DNAH14: variants seen among roughly 807,000 people sequenced by gnomAD.
DNAH14 encodes the protein dynein axonemal heavy chain 14, also known as axonemal beta dynein heavy chain 14.
Under a neutral mutation model 520.9 loss-of-function variants are expected in DNAH14, and 478 were observed. That is an observed-to-expected ratio of 0.92 (90% CI 0.85 to 0.99). DNAH14 has a LOEUF of 0.99. Among genes scored for constraint, DNAH14 ranks in the 50% least tolerant of loss-of-function variants. DNAH14 has a pLI of 0.00. For synonymous variants in DNAH14, 1,581 were observed against 1,757.2 expected (o/e 0.90, Z 2.51); for missense variants, 4,831 against 5,234.5 (o/e 0.92, Z 2.38).
intron 1 of DNAH14, among the ~76,000 whole-genome samples, chr1:224,951,769 G>A (rs1046842903): frequency 6.8e-6 from 1 of 146,510 alleles, no homozygotes; most frequent in Non-Finnish European, 1.5e-5. Flanking sequence ...TCCTGCCTCC[G>A]CCTCCCGAGT....
At chr1:224,989,082 A>C (rs969648316) in intron 8 of DNAH14, among the ~76,000 whole-genome samples, 2 of 152,202 alleles carry the variant, frequency 1.3e-5, no homozygotes, top group Non-Finnish European at 2.9e-5. Context: ...ATGGTAATTA[A>C]ATTACAACAT....
At position 225,301,034 on chromosome 1, in the gene DNAH14, C is replaced by CT. The variant is rs1261143322; in HGVS notation, c.8631+10dup. ...TTTACTTTCATTCTTTCAAAAGGTA[C>CT]TTTTTTGTGACTTGGCTTTATCAAA... On this transcript the variant is annotated splice_donor_region_variant and intron_variant, in intron 56 of 85. Transcript: ENST00000682510. 1.3e-6 allele frequency: 2 copies of CT among 1,545,956 alleles called. No individual in the cohort carries two copies. Among genetic ancestry groups the CT allele is most frequent in the Non-Finnish European group, 1.7e-6 (2 of 1,144,998 alleles).
At chr1:225,155,010 A>G (rs966888039) in intron 34 of DNAH14, among the ~76,000 whole-genome samples, 1 of 152,126 alleles carries the variant, frequency 6.6e-6, no homozygotes, top group Non-Finnish European at 1.5e-5. Context: ...GAAATATGAA[A>G]GTGCCTTAAA....
At chr1:225,356,281 C>A (rs1274664095) in intron 73 of DNAH14, among the ~76,000 whole-genome samples, 1 of 152,142 alleles carries the variant, frequency 6.6e-6, no homozygotes, top group Non-Finnish European at 1.5e-5. Context: ...ACACTGAGCC[C>A]ACATTCCTCA....
At chr1:225,053,310 C>T (rs115310037) in intron 17 of DNAH14, among the ~76,000 whole-genome samples, 1 of 152,108 alleles carries the variant, frequency 6.6e-6, no homozygotes, top group Non-Finnish European at 1.5e-5. Flanking sequence ...CTGAAGAAGA[C>T]CTGAATGAAT....
intron 23 of DNAH14, among the ~76,000 whole-genome samples, chr1:225,107,192 G>A (rs2076132884): frequency 1.3e-5 from 2 of 152,200 alleles, no homozygotes; most frequent in African/African-American, 4.8e-5. Context: ...CAGAACAGCA[G>A]ATATTGGTGA....
intron 1 of DNAH14, among the ~76,000 whole-genome samples, chr1:224,935,851 C>A (rs1228572413): frequency 1.3e-5 from 2 of 151,694 alleles, no homozygotes; most frequent in Non-Finnish European, 3.0e-5. Flanking sequence ...AAATCAAAAT[C>A]AAGTATCTTT....
rs1024125381 is a variant in DNAH14 at position 225,346,540 on chromosome 1, G to T, written c.11182G>T (p.Gly3728Ter). Residue 3728 changes from glycine to a stop codon, truncating the protein, a stop_gained, in exon 71 of 86, where the codon GGA becomes TGA. Coordinates refer to ENST00000682510, the MANE Select transcript of DNAH14 (RefSeq NM_001367479.1). LOFTEE classifies it high-confidence loss of function. Reference protein sequence around the residue: ...CTVIMQNNANGNLIQDDIGFL... With the variant: ...CTVIMQNNAN ...TGTAATCATGCAAAACAATGCTAAT[G>T]GAAATCTAATACAGGATGACATTGG... The T allele has an allele frequency of 5.2e-6, 8 of 1,551,106 alleles. No homozygotes were observed. The Admixed American group carries it at 1.4e-4, about 27-fold the overall frequency.
chr1:224,952,196 C>A (rs1426068855), intron 1 of DNAH14, among the ~76,000 whole-genome samples: 8 of 152,134 alleles, frequency 5.3e-5, no homozygotes, highest in Admixed American at 5.2e-4. Context: ...ATTTCATAAC[C>A]CACTCCCTTT....
At chr1:224,974,045 T>TA (rs745460033) in intron 7 of DNAH14, 46 bp from the exon 8 acceptor site, 10 of 1,270,646 alleles carry the variant, frequency 7.9e-6, no homozygotes, top group Non-Finnish European at 1.1e-5. Flanking sequence ...TCCATATAAA[T>TA]ACGTGGTTTA....
At chr1:224,972,266 A>C (rs2061540901) in intron 7 of DNAH14, among the ~76,000 whole-genome samples, 1 of 152,024 alleles carries the variant, frequency 6.6e-6, no homozygotes, top group Non-Finnish European at 1.5e-5. Context: ...TTGTACAATT[A>C]ATATAGACTT....
intron 49 of DNAH14, among the ~76,000 whole-genome samples, chr1:225,268,665 A>G (rs2093206981): frequency 1.3e-5 from 2 of 152,232 alleles, no homozygotes; most frequent in Admixed American, 1.3e-4. Flanking sequence ...AAAATCACAA[A>G]CATTCCTATA....
chr1:225,043,045 A>G lies in DNAH14; in HGVS notation c.1699A>G (p.Ser567Gly), dbSNP rs2067616632. The G allele has an allele frequency of 6.4e-7, 1 of 1,551,626 alleles. No homozygotes were observed. The highest frequency in any genetic ancestry group is 1.2e-5 in the South Asian group (1 of 84,054). ...NKDNCVKKHS[S>G]EELLPKAKKS... ...AGACAATTGTGTCAAAAAACACTCA[A>G]GTGAAGAATTGCTCCCAAAAGCCAA... Residue 567 changes from serine (S) to glycine (G), a missense_variant, in exon 13 of 86, where the codon AGT (serine) becomes GGT (glycine). Transcript: ENST00000682510.
intron 34 of DNAH14, among the ~76,000 whole-genome samples, chr1:225,158,106 CCTTT>C (rs1354140637): frequency 1.3e-5 from 2 of 152,040 alleles, no homozygotes; most frequent in African/African-American, 4.8e-5. Flanking sequence ...CAGTTTTCTT[CCTTT>C]CTATCTCTAA....
chr1:225,304,981 T>C lies in DNAH14; in HGVS notation c.8897T>C (p.Phe2966Ser), dbSNP rs528645046. The C allele has an allele frequency of 3.2e-6, 5 of 1,546,030 alleles. No homozygotes were observed. Among genetic ancestry groups the C allele is most frequent in the East Asian group, 2.5e-5 (1 of 40,806 alleles). Residue 2966 changes from phenylalanine (F) to serine (S), a missense_variant, in exon 58 of 86, where the codon TTT (phenylalanine) becomes TCT (serine). Physicochemically the swap from Phe to Ser is radical, Grantham distance 155 (BLOSUM62 -2). Coordinates refer to ENST00000682510, the MANE Select transcript of DNAH14 (RefSeq NM_001367479.1). ...ATGAAAGACTTGAACAGAAAATACT[T>C]TGAAGAAACTGGAAGATTTTATTAT... ...KSMKDLNRKY[F>S]EETGRFYYTT...
At chr1:225,380,498 G>GA (rs1430823543) in intron 80 of DNAH14, among the ~76,000 whole-genome samples, 176 bp downstream of exon 80, 3 of 152,212 alleles carry the variant, frequency 2.0e-5, no homozygotes, top group African/African-American at 7.2e-5. Context: ...GAGCACAGAA[G>GA]AAAATCACGC....
intron 3 of DNAH14, among the ~76,000 whole-genome samples, chr1:224,958,524 G>A (rs1374066582): frequency 6.6e-6 from 1 of 152,076 alleles, no homozygotes; most frequent in East Asian, 1.9e-4. Context: ...GCTGGATAAA[G>A]AGAAAGGTGA....
At position 225,192,726 on chromosome 1, in the gene DNAH14, T is replaced by G; in HGVS notation, c.5701T>G (p.Cys1901Gly). The change falls in exon 38 of 86, where the codon TGT becomes GGT. Residue 1901 changes from cysteine to glycine, a missense_variant. Physicochemically the swap from Cys to Gly is radical, Grantham distance 159. Transcript: ENST00000682510. Reference protein sequence around the residue: ...ISERKGKVDICVLNPKCVTLS... With the variant: ...ISERKGKVDIGVLNPKCVTLS... ...AGAAAGAAAAGGAAAAGTAGATATT[T>G]GTGTTTTAAATCCAAAGTGTGTCAC... The G allele has an allele frequency of 6.5e-7, 1 of 1,549,292 alleles. No individual in the cohort carries two copies. The highest frequency in any genetic ancestry group is 8.7e-7 in the Non-Finnish European group (1 of 1,145,520).
At chr1:225,395,736 T>G (rs2096002809) in intron 84 of DNAH14, 1 of 152,274 alleles carries the variant, frequency 6.6e-6, no homozygotes, top group African/African-American at 2.4e-5. Context: ...TCTCACAGTT[T>G]CTGGTCCACT....
Sources: gnomAD v4.1 joint callset for allele counts (sites outside exome capture counted in the v4.1 genomes callset) on GRCh38, gnomAD v4.1.1 for gene constraint, MANE v1.5 for transcripts, NCBI Gene and HGNC (gene_info 2026-07-23, HGNC 2026-07-21) for gene names.